The following POLR2F variants were observed in gnomAD, a reference collection of about 807,000 sequenced individuals.
The protein encoded by POLR2F is DNA-directed RNA polymerases I, II, and III subunit RPABC2.
Under a neutral mutation model 22.7 loss-of-function variants are expected in POLR2F, and 12 were observed. The observed-to-expected ratio is 0.53, with a 90% CI of 0.34 to 0.86. POLR2F has a LOEUF of 0.86. POLR2F is among the 40% of genes least tolerant of loss of function. The probability of loss-of-function intolerance (pLI) is 0.02; values close to 1 mark genes in which losing one functional copy is unlikely to be tolerated. For synonymous variants in POLR2F, 57 were observed against 66.0 expected (o/e 0.86, Z 0.66); for missense variants, 126 against 171.5 (o/e 0.73, Z 1.48).
chr22:37,998,800 C>T (rs1027007077), intron 1 of POLR2F, among the ~76,000 whole-genome samples: 18 of 151,312 alleles, frequency 1.2e-4, no homozygotes, highest in East Asian at 1.9e-4. Context: ...AAGCACTGAT[C>T]GACTCCCAGA....
In POLR2F at chr22:38,026,163, G is replaced by C. The variant is rs770762449; in HGVS notation, c.399+16G>C. 6.9e-5 allele frequency: 37 copies of C among 533,128 alleles called. No individual in the cohort carries two copies. In the Middle Eastern group the frequency reaches 4.4e-3, roughly 64 times the overall value. 33.0% of individuals were successfully genotyped at this position (533,128 alleles called of 1,614,324 possible). On this transcript the variant is annotated intron_variant, in intron 2 of 2. Coordinates refer to the POLR2F transcript ENST00000333418. Reference sequence around the variant, plus strand: ...CAGATGCCTGGTAGGCGGGCACCAGGTTGGGGAGGAGGCTTGGTTGGTGCC... The same window carrying C: ...CAGATGCCTGGTAGGCGGGCACCAGCTTGGGGAGGAGGCTTGGTTGGTGCC...
chr22:37,967,236 G>A (rs762533082), intron 4 of POLR2F, 66 bp downstream of exon 4: 6 of 1,599,640 alleles, frequency 3.8e-6, no homozygotes, highest in Non-Finnish European at 4.3e-6. Flanking sequence ...GCTCTCTGTT[G>A]CACCCTTTGC....
At chr22:37,993,882 A>G (rs1045185700) in intron 1 of POLR2F, among the ~76,000 whole-genome samples, 1 of 152,134 alleles carries the variant, frequency 6.6e-6, no homozygotes, top group Non-Finnish European at 1.5e-5. Flanking sequence ...CCAGCTACTC[A>G]GGAGGCTGAG....
At chr22:37,959,310 C>T (rs201725037) in intron 2 of POLR2F, 36 bp from the exon 3 acceptor site, 39 of 1,609,484 alleles carry the variant, frequency 2.4e-5, no homozygotes, top group Non-Finnish European at 4.2e-6. Flanking sequence ...AAAAGTGCCA[C>T]CTGAGTCTTT....
chr22:38,027,750 A>C (rs148480908), downstream of POLR2F, among the ~76,000 whole-genome samples: 9 of 151,918 alleles, frequency 5.9e-5, no homozygotes, highest in East Asian at 1.4e-3. Context: ...GCTCCTCCCC[A>C]TCCTCATGAA....
At chr22:38,026,101 C>T in exon 2 of POLR2F, 1 of 534,080 alleles carries the variant, frequency 1.9e-6, no homozygotes, top group Non-Finnish European at 3.8e-6. Context: ...TCAGGTGCCC[C>T]TGCCTGGATC....
intron 4 of POLR2F, chr22:37,977,987 C>A (rs1412445337): frequency 8.7e-6 from 14 of 1,611,994 alleles, no homozygotes; most frequent in Non-Finnish European, 1.2e-5. Context: ...TCGGCCTCCC[C>A]ACCGGGGCAC....
chr22:37,956,710 C>A, intron 1 of POLR2F, 63 bp from the exon 2 acceptor site: 1 of 1,296,998 alleles, frequency 7.7e-7, no homozygotes, highest in Non-Finnish European at 1.1e-6. Context: ...ATCCACCGTG[C>A]CTGGCCCCTC....
upstream of POLR2F, chr22:37,983,700 G>T (rs1489956199): frequency 6.6e-7 from 1 of 1,519,424 alleles, no homozygotes; most frequent in Admixed American, 2.1e-5. The surrounding 1 kb of genome is among the most constrained non-coding windows in gnomAD (Gnocchi z 9.5). Flanking sequence ...CCTAGCGAGG[G>T]CGCGCTCCCC....
At chr22:38,013,632 C>T (rs1398052401) in intron 1 of POLR2F, among the ~76,000 whole-genome samples, 2 of 152,172 alleles carry the variant, frequency 1.3e-5, no homozygotes, top group Non-Finnish European at 2.9e-5. Context: ...TTTAGCTGTA[C>T]AGTATCTAGT....
intron 1 of POLR2F, among the ~76,000 whole-genome samples, chr22:38,022,363 C>T (rs184634501): frequency 6.6e-6 from 1 of 151,688 alleles, no homozygotes; most frequent in Admixed American, 6.6e-5. Context: ...ACCAGCCTGA[C>T]CAACATGGTG....
chr22:37,964,475 T>G (rs1931773094), intron 3 of POLR2F, among the ~76,000 whole-genome samples: 1 of 151,996 alleles, frequency 6.6e-6, no homozygotes, highest in South Asian at 2.1e-4. Context: ...GTTCATTTGG[T>G]GGGCAGTGTG....
chr22:38,012,642 C>T (rs1012343640), intron 1 of POLR2F, among the ~76,000 whole-genome samples: 10 of 152,168 alleles, frequency 6.6e-5, no homozygotes, highest in Admixed American at 4.6e-4. Context: ...TCCCACGTTA[C>T]GTTTACTCAC....
chr22:38,005,085 C>T (rs13054178), intron 1 of POLR2F, among the ~76,000 whole-genome samples: 1,653 of 152,352 alleles, frequency 0.011, 14 homozygotes, highest in Non-Finnish European at 0.016. Flanking sequence ...GTAGTTAAAT[C>T]AGGCCTGCCT....
chr22:37,954,348 G>T (rs1214942367), intron 1 of POLR2F, among the ~76,000 whole-genome samples: 1 of 151,890 alleles, frequency 6.6e-6, no homozygotes, highest in Non-Finnish European at 1.5e-5. Context: ...TGTCGCCCAG[G>T]CTGGAGTGCA....
At position 37,986,350 on chromosome 22, in the gene POLR2F, C is replaced by T. The variant is rs1932578505; in HGVS notation, c.120+38C>T. ...TCATCCTTCCACCCCTCAGTTCCTCCTCTTTGAGGAAAGGACCTCCCCGCT... is the reference window on the plus strand; with the variant it reads ...TCATCCTTCCACCCCTCAGTTCCTCTTCTTTGAGGAAAGGACCTCCCCGCT... On this transcript the variant is annotated intron_variant, in intron 1 of 2. Transcript: ENST00000333418. This position sits in a 1 kb window ranked among gnomAD's most constrained non-coding sequence, Gnocchi z 4.7. 6.5e-7 allele frequency: 1 copy of T among 1,529,878 alleles called. No individual in the cohort carries two copies. The allele number at this position is 1,529,878 out of a possible 1,614,324, so 94.8% of individuals were successfully genotyped here. A position where few individuals can be genotyped will look rare whatever the true frequency, so the allele number is the denominator to read the frequency against.
chr22:37,991,870 G>T (rs542712342), intron 1 of POLR2F, among the ~76,000 whole-genome samples: 1 of 152,306 alleles, frequency 6.6e-6, no homozygotes, highest in Admixed American at 6.5e-5. Context: ...CCCTGCTGGG[G>T]TGTGGACTTG....
chr22:38,031,363 C>T (rs567941861), downstream of POLR2F, among the ~76,000 whole-genome samples: 101 of 151,892 alleles, frequency 6.6e-4, no homozygotes, highest in African/African-American at 2.4e-3. This position sits in a 1 kb window ranked among gnomAD's most constrained non-coding sequence, Gnocchi z 4.1. Flanking sequence ...TTGGCTACTT[C>T]TCCTACCCAC....
At chr22:38,028,538 ATACGTGTGTGCATG>A (rs1184064537), downstream of POLR2F, among the ~76,000 whole-genome samples, 5 of 151,620 alleles carry the variant, frequency 3.3e-5, no homozygotes, top group African/African-American at 1.2e-4. Context: ...GTGTGTGCGC[ATACGTGTGTGCATG>A]TATGTGTGTG....
Sources: allele counts gnomAD v4.1 joint callset (sites outside exome capture counted in the v4.1 genomes callset), GRCh38; gene constraint gnomAD v4.1.1; non-coding constraint Gnocchi (gnomAD v3.1); transcripts MANE v1.5; gene names NCBI Gene and HGNC (gene_info 2026-07-23, HGNC 2026-07-21).